Variants in SHROOM3 observed in about 807,000 individuals in gnomAD.
The protein encoded by SHROOM3 is protein Shroom3.
SHROOM3 carries 47 observed loss-of-function variants against 138.6 expected under a neutral mutation model. The ratio of observed to expected loss-of-function variants is 0.34; its 90% CI spans 0.27 to 0.43. SHROOM3 has a LOEUF of 0.43. Ranked by LOEUF, SHROOM3 falls within the 20% of genes least tolerant of loss-of-function variation. The pLI is 1.00. For missense variants in SHROOM3, 2,491 were observed against 2,596.5 expected, an observed-to-expected ratio of 0.96 and a Z score of 0.88; for synonymous variants, 1,062 against 1,063.3, an observed-to-expected ratio of 1.00 and a Z score of 0.02.
At chr4:76,552,154 G>T (rs911523882) in intron 1 of SHROOM3, among the ~76,000 whole-genome samples, 12 of 150,700 alleles carry the variant, frequency 8.0e-5, no homozygotes, top group Admixed American at 3.3e-4. Flanking sequence ...GAGCCACTGC[G>T]CCTGGCCTAA....
intron 2 of SHROOM3, among the ~76,000 whole-genome samples, chr4:76,588,087 G>T (rs541352148): frequency 2.2e-4 from 33 of 152,106 alleles, no homozygotes; most frequent in African/African-American, 7.7e-4. Flanking sequence ...ATCCTAAAAA[G>T]GTACAGAAAG....
chr4:76,669,261 T>C (rs1326362832), intron 2 of SHROOM3, among the ~76,000 whole-genome samples: 2 of 152,230 alleles, frequency 1.3e-5, no homozygotes, highest in East Asian at 1.9e-4. Context: ...CTCTTTTGTA[T>C]GTAGCTGTTA....
At chr4:76,676,793 A>C (rs761204730) in intron 2 of SHROOM3, among the ~76,000 whole-genome samples, 27 of 152,136 alleles carry the variant, frequency 1.8e-4, no homozygotes, top group Middle Eastern at 3.4e-3. Flanking sequence ...AATACAAAAA[A>C]TTAGCCGGAC....
At chr4:76,761,610 C>T (rs1721989712) in intron 9 of SHROOM3, among the ~76,000 whole-genome samples, 1 of 152,188 alleles carries the variant, frequency 6.6e-6, no homozygotes. Context: ...GGTCAGCTGC[C>T]TTTAAACCTT....
At chr4:76,758,637 TG>T in intron 8 of SHROOM3, 1 of 152,290 alleles carries the variant, frequency 6.6e-6, no homozygotes, top group Admixed American at 6.5e-5. Context: ...ATCTTTTCCC[TG>T]TCTTTCAATT....
intron 2 of SHROOM3, among the ~76,000 whole-genome samples, chr4:76,629,243 G>T (rs1735240078): frequency 6.6e-6 from 1 of 152,186 alleles, no homozygotes; most frequent in African/African-American, 2.4e-5. Flanking sequence ...CTAGTAAAGG[G>T]AATTGTCTGT....
intron 2 of SHROOM3, among the ~76,000 whole-genome samples, chr4:76,653,027 T>C (rs1487721906): frequency 2.0e-5 from 3 of 152,070 alleles, no homozygotes; most frequent in Non-Finnish European, 4.4e-5. Context: ...GGACTTTTGC[T>C]ATATTTACAG....
intron 2 of SHROOM3, among the ~76,000 whole-genome samples, chr4:76,573,797 T>C (rs1208283038): frequency 2.6e-5 from 4 of 152,182 alleles, no homozygotes; most frequent in Admixed American, 2.6e-4. Context: ...CAACTTAGCA[T>C]CTGCCAAACT....
chr4:76,605,911 T>C (rs1430937118), intron 2 of SHROOM3, among the ~76,000 whole-genome samples: 1 of 143,400 alleles, frequency 7.0e-6, no homozygotes, highest in Admixed American at 7.0e-5. Flanking sequence ...AAAGGCACAA[T>C]TTTCTCTCTC....
chr4:76,745,782 A>G (rs554089020), intron 5 of SHROOM3, among the ~76,000 whole-genome samples: 13 of 152,296 alleles, frequency 8.5e-5, no homozygotes, highest in Non-Finnish European at 1.8e-4. Flanking sequence ...GGAGTTCGAG[A>G]TCAGCCTGGC....
intron 2 of SHROOM3, chr4:76,639,661 G>A (rs999999667): frequency 2.0e-5 from 8 of 398,294 alleles, no homozygotes; most frequent in Admixed American, 4.4e-5. Context: ...GGGCTTCATG[G>A]GCCTGTGTTT....
chr4:76,652,752 C>CCTCT lies in SHROOM3; in HGVS notation c.324-57389_324-57386dup, dbSNP rs10681383. On this transcript the variant is annotated intron_variant, in intron 2 of 10. Coordinates refer to ENST00000296043, the MANE Select transcript of SHROOM3 (RefSeq NM_020859.4). The stretch of plus-strand genomic sequence containing the variant: ...GATGTAAGAGATACACTTGAGTCTC[C>CCTCT]CTCTCTCTCTCTCTCTCTGTGATGT... Among the ~76,000 whole-genome samples the CCTCT allele has an allele frequency of 8.9e-3, 1,331 of 149,536 alleles. 17 individuals are homozygous for CCTCT. The highest frequency in any genetic ancestry group is 0.03 in the African/African-American group (1,235 of 40,828).
At chr4:76,773,859 C>T (rs1272998654) in intron 10 of SHROOM3, among the ~76,000 whole-genome samples, 1 of 152,150 alleles carries the variant, frequency 6.6e-6, no homozygotes, top group Non-Finnish European at 1.5e-5. Context: ...ACACAATATC[C>T]AGCACAGAAA....
chr4:76,624,261 G>A (rs936872603), intron 2 of SHROOM3, among the ~76,000 whole-genome samples: 1 of 151,920 alleles, frequency 6.6e-6, no homozygotes, highest in African/African-American at 2.4e-5. Flanking sequence ...CGTCGTCTGG[G>A]GCCACATCTG....
At chr4:76,603,838 C>CTTTTTTTTTTTTTTTTT (rs993165829) in intron 2 of SHROOM3, among the ~76,000 whole-genome samples, 1 of 97,284 alleles carries the variant, frequency 1.0e-5, no homozygotes, top group African/African-American at 4.0e-5. Flanking sequence ...ATCTTGTATT[C>CTTTTTTTTTTTTTTTTT]TTTTTTTTTT....
chr4:76,578,142 A>C (rs1733976330), intron 2 of SHROOM3, among the ~76,000 whole-genome samples: 2 of 152,148 alleles, frequency 1.3e-5, no homozygotes, highest in East Asian at 3.8e-4. Flanking sequence ...ACACACCCCT[A>C]ATTTTATGGG....
intron 1 of SHROOM3, among the ~76,000 whole-genome samples, chr4:76,552,422 G>T (rs1208359983): frequency 6.6e-6 from 1 of 150,890 alleles, no homozygotes; most frequent in African/African-American, 2.4e-5. Flanking sequence ...TGGGAGAATT[G>T]CTTGAACCCA....
At chr4:76,544,563 G>GTTTTT (rs1733172876) in intron 1 of SHROOM3, among the ~76,000 whole-genome samples, 1 of 150,872 alleles carries the variant, frequency 6.6e-6, no homozygotes, top group South Asian at 2.1e-4. Flanking sequence ...GTTTTGTTTT[G>GTTTTT]TTTTTGTATT....
At chr4:76,695,757 T>C (rs1417775706) in intron 2 of SHROOM3, among the ~76,000 whole-genome samples, 1 of 152,190 alleles carries the variant, frequency 6.6e-6, no homozygotes, top group African/African-American at 2.4e-5. Flanking sequence ...TGGAAGATAC[T>C]CTGGATTATT....
Sources: allele counts gnomAD v4.1 joint callset (sites outside exome capture counted in the v4.1 genomes callset), GRCh38; gene constraint gnomAD v4.1.1; transcripts MANE v1.5; gene names NCBI Gene and HGNC (gene_info 2026-07-23, HGNC 2026-07-21).